Variants in IQCB1 observed in about 807,000 individuals in gnomAD.
IQCB1 encodes the protein IQ motif containing B1.
Under a neutral mutation model 84.4 loss-of-function variants are expected in IQCB1, and 56 were observed. The observed-to-expected ratio is 0.66, with a 90% CI of 0.54 to 0.83. The LOEUF is 0.83. Among genes scored for constraint, IQCB1 ranks in the 40% least tolerant of loss-of-function variants. The pLI is 0.00. For missense variants in IQCB1, 629 were observed against 682.1 expected, an observed-to-expected ratio of 0.92 and a Z score of 0.87; for synonymous variants, 210 against 234.8, an observed-to-expected ratio of 0.89 and a Z score of 0.96.
intron 5 of IQCB1, among the ~76,000 whole-genome samples, chr3:121,818,329 A>G (rs1950149499): frequency 6.6e-6 from 1 of 152,216 alleles, no homozygotes; most frequent in Non-Finnish European, 1.5e-5. Flanking sequence ...CACTCTTCTC[A>G]TTACTTATTT....
chr3:121,812,743 C>T (rs1278490564), intron 5 of IQCB1, among the ~76,000 whole-genome samples: 1 of 152,024 alleles, frequency 6.6e-6, no homozygotes, highest in Non-Finnish European at 1.5e-5. Context: ...AAGAAATGAA[C>T]AAAGCCTCCA....
At chr3:121,778,545 A>G (rs1287786427) in intron 13 of IQCB1, among the ~76,000 whole-genome samples, 1 of 132,696 alleles carries the variant, frequency 7.5e-6, no homozygotes, top group African/African-American at 2.9e-5. Flanking sequence ...TTTTTTTTTT[A>G]ACAATATTTT....
intron 13 of IQCB1, among the ~76,000 whole-genome samples, chr3:121,777,198 G>A (rs2108515296): frequency 6.6e-6 from 1 of 152,310 alleles, no homozygotes; most frequent in South Asian, 2.1e-4. Flanking sequence ...CATGTGAATA[G>A]CCAATTGCTC....
intron 4 of IQCB1, 26 bp from the exon 5 acceptor site, chr3:121,826,206 T>A (rs1384655779): frequency 6.2e-7 from 1 of 1,612,046 alleles, no homozygotes; most frequent in Non-Finnish European, 8.5e-7. Context: ...AAGTTCGTGT[T>A]AATTAGAAGT....
intron 14 of IQCB1, among the ~76,000 whole-genome samples, chr3:121,771,363 C>A (rs1947982926): frequency 6.6e-6 from 1 of 151,944 alleles, no homozygotes; most frequent in East Asian, 1.9e-4. Flanking sequence ...AAGTCTCACT[C>A]TGTCACCTAG....
chr3:121,820,357 C>G (rs1950229737), intron 5 of IQCB1, among the ~76,000 whole-genome samples: 1 of 152,140 alleles, frequency 6.6e-6, no homozygotes, highest in African/African-American at 2.4e-5. Flanking sequence ...ATCCATCTAG[C>G]ATATTGAGCC....
intron 12 of IQCB1, 131 bp downstream of exon 12, chr3:121,788,153 A>C: frequency 1.1e-6 from 1 of 915,742 alleles, no homozygotes; most frequent in Non-Finnish European, 1.7e-6. Context: ...TTCTTTTACA[A>C]AAGAAAAAAC....
chr3:121,813,112 A>C (rs1208732517), intron 5 of IQCB1, among the ~76,000 whole-genome samples: 1 of 151,712 alleles, frequency 6.6e-6, no homozygotes, highest in Non-Finnish European at 1.5e-5. Flanking sequence ...GGGGGCCAAT[A>C]ATCTACACTC....
intron 14 of IQCB1, among the ~76,000 whole-genome samples, chr3:121,771,690 T>C (rs1948000202): frequency 6.6e-6 from 1 of 152,178 alleles, no homozygotes; most frequent in South Asian, 2.1e-4. Context: ...AGAGGCTCAG[T>C]TTCAGCCATT....
At chr3:121,824,913 G>C (rs1455063613) in intron 5 of IQCB1, among the ~76,000 whole-genome samples, 1 of 152,098 alleles carries the variant, frequency 6.6e-6, no homozygotes, top group Non-Finnish European at 1.5e-5. Flanking sequence ...CAACTGCAGA[G>C]TTCACATTTG....
At chr3:121,781,895 G>GGTTT in intron 12 of IQCB1, 21 bp from the exon 13 acceptor site, 1 of 1,610,568 alleles carries the variant, frequency 6.2e-7, no homozygotes, top group South Asian at 1.1e-5. Context: ...AAAAATTGAA[G>GGTTT]GTTTGTGATT....
intron 5 of IQCB1, among the ~76,000 whole-genome samples, chr3:121,812,763 G>C (rs1338193493): frequency 6.6e-6 from 1 of 152,150 alleles, no homozygotes; most frequent in African/African-American, 2.4e-5. Context: ...AAGGAATATG[G>C]AACTATGTGA....
At chr3:121,792,384 G>A (rs367907290) in intron 10 of IQCB1, among the ~76,000 whole-genome samples, 17 of 152,116 alleles carry the variant, frequency 1.1e-4, no homozygotes, top group African/African-American at 4.1e-4. Context: ...TTTGGGCCGG[G>A]CGCGGTGGCT....
intron 13 of IQCB1, among the ~76,000 whole-genome samples, chr3:121,779,059 T>TA (rs1948367825): frequency 6.6e-6 from 1 of 152,046 alleles, no homozygotes; most frequent in Non-Finnish European, 1.5e-5. Context: ...CCCTAGAACT[T>TA]AAAGTATAAT....
chr3:121,821,271 A>T (rs1364897426), intron 5 of IQCB1, among the ~76,000 whole-genome samples: 2 of 152,152 alleles, frequency 1.3e-5, no homozygotes, highest in African/African-American at 2.4e-5. Context: ...TCTGGCCTTC[A>T]ATCTTTCTGA....
chr3:121,781,416 T>C (rs1448380017), intron 13 of IQCB1, among the ~76,000 whole-genome samples: 1 of 152,162 alleles, frequency 6.6e-6, no homozygotes, highest in Non-Finnish European at 1.5e-5. Context: ...GACAGTTACA[T>C]ATACTCTTTC....
At chr3:121,820,195 T>G (rs1950223841) in intron 5 of IQCB1, among the ~76,000 whole-genome samples, 1 of 152,162 alleles carries the variant, frequency 6.6e-6, no homozygotes, top group East Asian at 1.9e-4. Context: ...TATTATACCA[T>G]GCAGAACAGA....
intron 10 of IQCB1, among the ~76,000 whole-genome samples, chr3:121,790,655 A>C (rs572936605): frequency 6.6e-6 from 1 of 152,316 alleles, no homozygotes; most frequent in Admixed American, 6.5e-5. Context: ...TGAACTATGA[A>C]AACATAAAAT....
chr3:121,814,055 G>A (rs1949948911), intron 5 of IQCB1, among the ~76,000 whole-genome samples: 1 of 152,156 alleles, frequency 6.6e-6, no homozygotes, highest in African/African-American at 2.4e-5. Context: ...CAAAAGAACA[G>A]AAATCATAAC....
Sources: gnomAD v4.1 joint callset for allele counts (sites outside exome capture counted in the v4.1 genomes callset) on GRCh38, gnomAD v4.1.1 for gene constraint, MANE v1.5 for transcripts, NCBI Gene and HGNC (gene_info 2026-07-23, HGNC 2026-07-21) for gene names.